Variants in CHODL observed in about 807,000 individuals in gnomAD.
CHODL encodes the protein transmembrane protein MT75.
In CHODL, 29 loss-of-function variants were observed where a neutral mutation model predicts 34.5. The ratio of observed to expected loss-of-function variants is 0.84; its 90% CI spans 0.63 to 1.15. The LOEUF (loss-of-function observed/expected upper bound fraction) is 1.15, where lower values mean the gene tolerates loss of function less well. Among genes scored for constraint, CHODL ranks in the 50% most tolerant of loss-of-function variants. The probability of loss-of-function intolerance (pLI) is 0.00; values close to 1 mark genes in which losing one functional copy is unlikely to be tolerated. For missense variants in CHODL, 332 were observed against 332.5 expected (o/e 1.00, Z 0.01); for synonymous variants, 125 against 116.1 (o/e 1.08, Z -0.49).
intron 1 of CHODL, among the ~76,000 whole-genome samples, chr21:17,957,906 C>T (rs28500): frequency 6.6e-6 from 1 of 151,364 alleles, no homozygotes; most frequent in African/African-American, 2.4e-5. Context: ...TTATAAATAC[C>T]CCTCAGAACT....
At chr21:18,021,570 T>C (rs1470169376) in intron 1 of CHODL, among the ~76,000 whole-genome samples, 2 of 152,236 alleles carry the variant, frequency 1.3e-5, no homozygotes, top group Non-Finnish European at 2.9e-5. Context: ...CATCTACATA[T>C]TTCTTCACTT....
chr21:18,156,703 A>G (rs1158635876), intron 2 of CHODL, among the ~76,000 whole-genome samples: 1 of 152,232 alleles, frequency 6.6e-6, no homozygotes, highest in Non-Finnish European at 1.5e-5. Context: ...GACGATTGCC[A>G]TGAAACAAAC....
intron 2 of CHODL, among the ~76,000 whole-genome samples, chr21:18,035,121 A>C (rs1346234275): frequency 6.6e-6 from 1 of 151,894 alleles, no homozygotes; most frequent in Admixed American, 6.6e-5. Flanking sequence ...GAGCCTTTAT[A>C]TATGTCTGTA....
chr21:18,027,470 A>G (rs2064188578), intron 1 of CHODL, among the ~76,000 whole-genome samples: 1 of 152,186 alleles, frequency 6.6e-6, no homozygotes, highest in Non-Finnish European at 1.5e-5. Flanking sequence ...AGTTACACAG[A>G]AGAATCACAT....
chr21:18,125,698 C>T (rs963972762), intron 2 of CHODL, among the ~76,000 whole-genome samples: 8 of 151,918 alleles, frequency 5.3e-5, no homozygotes, highest in African/African-American at 1.5e-4. Flanking sequence ...CGGGTTCATG[C>T]GATTCTTCTG....
intron 2 of CHODL, among the ~76,000 whole-genome samples, chr21:18,127,288 T>G (rs1200129758): frequency 2.0e-5 from 3 of 152,154 alleles, no homozygotes; most frequent in Non-Finnish European, 4.4e-5. Flanking sequence ...TTAATCACTT[T>G]AAAAGGATGA....
intron 1 of CHODL, among the ~76,000 whole-genome samples, chr21:17,986,547 C>G (rs1341145883): frequency 1.3e-5 from 2 of 152,204 alleles, no homozygotes; most frequent in Non-Finnish European, 2.9e-5. Flanking sequence ...GCCACCCTTT[C>G]TTAATCCAGT....
intron 2 of CHODL, among the ~76,000 whole-genome samples, chr21:18,146,029 A>G (rs999067225): frequency 1.3e-5 from 2 of 151,924 alleles, no homozygotes; most frequent in African/African-American, 4.8e-5. Context: ...AGTGCAGTGG[A>G]GCAATCTCGG....
chr21:17,953,301 T>C (rs535553764), intron 1 of CHODL, among the ~76,000 whole-genome samples: 2 of 152,168 alleles, frequency 1.3e-5, no homozygotes, highest in South Asian at 2.1e-4. Context: ...CAAATTAGCA[T>C]AGCTAGAAAT....
intron 2 of CHODL, among the ~76,000 whole-genome samples, chr21:18,122,166 C>G (rs1017625178): frequency 1.3e-5 from 2 of 151,560 alleles, no homozygotes; most frequent in Non-Finnish European, 2.9e-5. Context: ...CTAAGTGATT[C>G]CAGTTGAAAT....
intron 2 of CHODL, among the ~76,000 whole-genome samples, chr21:18,166,624 A>G (rs1290959746): frequency 6.6e-6 from 1 of 152,104 alleles, no homozygotes; most frequent in Non-Finnish European, 1.5e-5. Flanking sequence ...TATAAAGGGT[A>G]TCTATTTCTA....
chr21:18,199,970 A>G (rs2073633536), intron 2 of CHODL, among the ~76,000 whole-genome samples: 1 of 152,210 alleles, frequency 6.6e-6, no homozygotes, highest in Non-Finnish European at 1.5e-5. Context: ...AGGTAAGTAT[A>G]CAGGAAGGAG....
Position 18,090,132 on chromosome 21 carries a change from A to G in CHODL, c.-45+62161A>G, listed in dbSNP as rs567575492. ...CAACTCTTGTATGCTTAGACATGTA[A>G]CAGTTTACTTGAGCATAGAATGGCT... is the stretch of plus-strand genomic sequence containing the variant. On this transcript the variant is annotated intron_variant, in intron 2 of 6. Transcript: ENST00000400127. 4.1e-4 allele frequency among the ~76,000 whole-genome samples: 63 copies of G among 152,354 alleles called. No homozygotes were observed. The South Asian group carries it at 0.012, about 29-fold the overall frequency.
intron 2 of CHODL, among the ~76,000 whole-genome samples, chr21:18,216,925 G>A (rs2073835769): frequency 6.6e-6 from 1 of 152,130 alleles, no homozygotes; most frequent in South Asian, 2.1e-4. Flanking sequence ...ATGACACGTG[G>A]AGATTACAAT....
chr21:18,207,141 T>C (rs540974897), intron 2 of CHODL, among the ~76,000 whole-genome samples: 2 of 152,280 alleles, frequency 1.3e-5, no homozygotes, highest in African/African-American at 4.8e-5. Context: ...CGTGTTTGGT[T>C]TTCTGTCCTT....
rs145122933 is a variant in CHODL at position 17,979,392 on chromosome 21, T to C, written c.-144-48480T>C. The stretch of plus-strand genomic sequence containing the variant: ...TGTGGGTAAATAAATATACAGAATC[T>C]TAGTTTAGGGTTTTTAAAAGCTTCC... On this transcript the variant is annotated intron_variant, in intron 1 of 6. Coordinates refer to the CHODL transcript ENST00000400127. Among the ~76,000 whole-genome samples, 14 of 152,318 alleles carry C rather than the reference T, an allele frequency of 9.2e-5. No individual in the cohort carries two copies. The East Asian group carries it at 2.5e-3, about 27-fold the overall frequency.
At chr21:18,225,762 A>G (rs2073925676) in intron 2 of CHODL, among the ~76,000 whole-genome samples, 1 of 152,010 alleles carries the variant, frequency 6.6e-6, no homozygotes, top group Non-Finnish European at 1.5e-5. Context: ...TTTTGGTGGG[A>G]TGGATGGGAA....
At chr21:18,121,783 A>C (rs2065482601) in intron 2 of CHODL, among the ~76,000 whole-genome samples, 1 of 152,172 alleles carries the variant, frequency 6.6e-6, no homozygotes. Context: ...GCTAATCACA[A>C]TTAGAATAAA....
intron 2 of CHODL, among the ~76,000 whole-genome samples, chr21:18,057,324 T>G (rs2064595067): frequency 6.6e-6 from 1 of 152,110 alleles, no homozygotes; most frequent in Non-Finnish European, 1.5e-5. Flanking sequence ...TGAATAGTTT[T>G]CATCTTTTTT....
Sources: gnomAD v4.1 joint callset for allele counts (sites outside exome capture counted in the v4.1 genomes callset) on GRCh38, gnomAD v4.1.1 for gene constraint, MANE v1.5 for transcripts, NCBI Gene and HGNC (gene_info 2026-07-23, HGNC 2026-07-21) for gene names.